The following HOMEZ variants were observed in gnomAD, a reference collection of about 807,000 sequenced individuals.
HOMEZ encodes the protein homeobox and leucine zipper encoding, also known as homeobox and leucine zipper protein Homez.
In HOMEZ, 20 loss-of-function variants were observed where a neutral mutation model predicts 50.1. The observed-to-expected ratio is 0.40, with a 90% CI of 0.28 to 0.58. The LOEUF is 0.58. Ranked by LOEUF, HOMEZ falls within the 20% of genes least tolerant of loss-of-function variation. HOMEZ has a pLI of 0.46. For missense variants in HOMEZ, 579 were observed against 680.5 expected (o/e 0.85, Z 1.66); for synonymous variants, 239 against 254.7 (o/e 0.94, Z 0.59).
At position 23,276,555 on chromosome 14, in the gene HOMEZ, T is replaced by TG; in HGVS notation, c.672_673insC (p.Ser225GlnfsTer38). 6.2e-7 allele frequency: 1 copy of TG among 1,614,018 alleles called. No homozygotes were observed. The highest frequency in any genetic ancestry group is 8.5e-7 in the Non-Finnish European group (1 of 1,179,872). On this transcript the variant is annotated frameshift_variant, in exon 2 of 2. Transcript: ENST00000357460. LOFTEE classifies it high-confidence loss of function. The surrounding 1 kb of genome is among the most constrained non-coding windows in gnomAD (Gnocchi z 4.1). Reference sequence around the variant, plus strand: ...GCCTGCTCCTTTGAGAGGCCACTGCTTTGAAGATGTTGCCAAAAATCTGAT... The same window carrying TG: ...GCCTGCTCCTTTGAGAGGCCACTGCTGTTGAAGATGTTGCCAAAAATCTGAT...
In HOMEZ at chr14:23,275,613, CAT is replaced by C. The variant is rs750942620; in HGVS notation, c.1613_1614del (p.Asp538GlyfsTer2). Reference protein sequence around the residue: ...DEEEEEEEEEDDDDDDDDVII... With the variant: ...DEEEEEEEEEXDDDDDDDVII... ...ATCACATCATCATCATCATCATCATCATCTTCCTCCTCCTCCTCCTCCTCTTC... is the reference window on the plus strand; with the variant it reads ...ATCACATCATCATCATCATCATCATCCTTCCTCCTCCTCCTCCTCCTCTTC... On this transcript the variant is annotated frameshift_variant, in exon 2 of 2. Transcript: ENST00000357460. LOFTEE classifies it high-confidence loss of function. 26 of 1,430,878 alleles carry C rather than the reference CAT, an allele frequency of 1.8e-5. No individual in the cohort carries two copies. The African/African-American group carries it at 1.8e-4, about 10-fold the overall frequency. 88.6% of individuals were successfully genotyped at this position (1,430,878 alleles called of 1,614,324 possible). A position where few individuals can be genotyped will look rare whatever the true frequency, so the allele number is the denominator to read the frequency against.
chr14:23,280,732 T>C (rs1437693246), intron 1 of HOMEZ, among the ~76,000 whole-genome samples: 9 of 77,722 alleles, frequency 1.2e-4, no homozygotes, highest in Admixed American at 5.9e-4. Context: ...TTTATTTTAT[T>C]TTATTTTATT....
At chr14:23,278,751 C>G (rs1267843028) in intron 1 of HOMEZ, among the ~76,000 whole-genome samples, 1 of 152,220 alleles carries the variant, frequency 6.6e-6, no homozygotes, top group African/African-American at 2.4e-5. Context: ...TCTCAGCTTA[C>G]TGCAGCCTCC....
chr14:23,275,903 G>A lies in HOMEZ; in HGVS notation c.1325C>T (p.Thr442Ile). 6.2e-7 allele frequency: 1 copy of A among 1,604,760 alleles called. No homozygotes were observed. Among genetic ancestry groups the A allele is most frequent in the Non-Finnish European group, 8.5e-7 (1 of 1,174,938 alleles). Residue 442 changes from threonine to isoleucine, a missense_variant, in exon 2 of 2, where the codon ACC (threonine) becomes ATC (isoleucine). By Grantham distance (89) the Thr-to-Ile change is moderately conservative. Transcript: ENST00000357460. Reference protein sequence around the residue: ...DPAIPTPPPSTRSLNERAETP... With the variant: ...DPAIPTPPPSIRSLNERAETP... ...CTCAGCCCTTTCGTTCAAGGAGCGG[G>A]TTGATGGTGGTGGTGTAGGAATTGC...
intron 1 of HOMEZ, among the ~76,000 whole-genome samples, chr14:23,280,035 G>A (rs1886456395): frequency 6.6e-6 from 1 of 151,948 alleles, no homozygotes; most frequent in Non-Finnish European, 1.5e-5. Flanking sequence ...CTGGAAGGTA[G>A]GACAGCACTG....
chr14:23,272,914 T>TA lies in HOMEZ; in HGVS notation c.*2660dup, dbSNP rs759080014. 7.1e-7 allele frequency: 1 copy of TA among 1,406,074 alleles called. No homozygotes were observed. Among genetic ancestry groups the TA allele is most frequent in the South Asian group, 1.3e-5 (1 of 76,694 alleles). The allele number at this position is 1,406,074 out of a possible 1,614,324, so 87.1% of individuals were successfully genotyped here. A position where few individuals can be genotyped will look rare whatever the true frequency, so the allele number is the denominator to read the frequency against. On this transcript the variant is annotated 3_prime_UTR_variant, in exon 2 of 2. Transcript: ENST00000357460. The stretch of plus-strand genomic sequence containing the variant: ...TAGATCATCTTCAAGATCTGATCTA[T>TA]ACATGCTGCTGAAGGATGGACTGTA...
Position 23,275,308 on chromosome 14 carries a change from GCCCA to G in HOMEZ, c.*263_*266del. 6 of 471,850 alleles carry G rather than the reference GCCCA, an allele frequency of 1.3e-5. No individual in the cohort carries two copies. The highest frequency in any genetic ancestry group is 1.2e-4 in the South Asian group (3 of 26,082). 29.2% of individuals were successfully genotyped at this position (471,850 alleles called of 1,614,324 possible). On this transcript the variant is annotated 3_prime_UTR_variant, in exon 2 of 2. Transcript: ENST00000357460. ...CGAGGAGAGCAAGAGCAGCTTCCCA[GCCCA>G]TGGTTTCCCCAGATCCTTAGCACTC...
intron 1 of HOMEZ, among the ~76,000 whole-genome samples, chr14:23,282,741 C>CT (rs1221976101): frequency 6.6e-6 from 1 of 152,154 alleles, no homozygotes; most frequent in Non-Finnish European, 1.5e-5. Context: ...AAGCATTTTA[C>CT]TTTCGTTTAG....
intron 1 of HOMEZ, among the ~76,000 whole-genome samples, chr14:23,281,838 T>C (rs1019222658): frequency 7.0e-6 from 1 of 143,318 alleles, no homozygotes; most frequent in Non-Finnish European, 1.5e-5. Flanking sequence ...ATAATAATAA[T>C]ACAAAATATT....
chr14:23,283,598 T>G (rs1297184308), intron 1 of HOMEZ, among the ~76,000 whole-genome samples: 1 of 151,836 alleles, frequency 6.6e-6, no homozygotes, highest in African/African-American at 2.4e-5. Flanking sequence ...AGGAGACAGT[T>G]AAAGTGGGAG....
chr14:23,276,226 C>A lies in HOMEZ; in HGVS notation c.1002G>T (p.Gly334=). 1 of 1,613,984 alleles carries A rather than the reference C, an allele frequency of 6.2e-7. No homozygotes were observed. The highest frequency in any genetic ancestry group is 2.2e-5 in the East Asian group (1 of 44,868). Residue 334 remains glycine (G), a synonymous_variant, in exon 2 of 2, where the codon GGG becomes GGT. Transcript: ENST00000357460. The surrounding 1 kb of genome is among the most constrained non-coding windows in gnomAD (Gnocchi z 4.1). ...TACCTGGTACTGAGTTATGCCGTAG[C>A]CCTTGGGGCCAGGCTGGTTCCAGAT... ...PPHLEPAWPQ[G]LRHNSVPGRV... is the part of the protein sequence containing the mutation.
chr14:23,277,276 A>G (rs1886387489), intron 1 of HOMEZ, 89 bp from the exon 2 acceptor site: 1 of 1,196,946 alleles, frequency 8.4e-7, no homozygotes, highest in Non-Finnish European at 1.1e-6. Flanking sequence ...TGGACACCAG[A>G]ACAATTTAAT....
rs1207096407 is a variant in HOMEZ at position 23,276,457 on chromosome 14, T to C, written c.771A>G (p.Pro257=). The change falls in exon 2 of 2, where the codon CCA becomes CCG. Residue 257 remains proline (P), a synonymous_variant. Coordinates refer to ENST00000357460, the MANE Select transcript of HOMEZ (RefSeq NM_020834.3). The surrounding 1 kb of genome is among the most constrained non-coding windows in gnomAD (Gnocchi z 4.1). Reference sequence around the variant, plus strand: ...TTGGTGGGGGTTTATCCCGAGCTTGTGGCTGGGGGACGGTTGTGGAGTGGT... The same window carrying C: ...TTGGTGGGGGTTTATCCCGAGCTTGCGGCTGGGGGACGGTTGTGGAGTGGT... ...SWNHSTTVPQ[P]QARDKPPPIA... 39 of 1,613,958 alleles carry C rather than the reference T, an allele frequency of 2.4e-5. No homozygotes were observed. The highest frequency in any genetic ancestry group is 3.3e-5 in the Non-Finnish European group (39 of 1,179,908).
chr14:23,283,466 A>G (rs1208006761), intron 1 of HOMEZ, among the ~76,000 whole-genome samples: 1 of 152,110 alleles, frequency 6.6e-6, no homozygotes, highest in African/African-American at 2.4e-5. Flanking sequence ...GGCTTTCCAT[A>G]TCCCTGGACA....
chr14:23,282,835 C>A (rs1316421214), intron 1 of HOMEZ, among the ~76,000 whole-genome samples: 1 of 152,134 alleles, frequency 6.6e-6, no homozygotes, highest in Non-Finnish European at 1.5e-5. Flanking sequence ...ATTTGGTGTA[C>A]TATATGCATT....
chr14:23,283,579 C>T (rs1005065034), intron 1 of HOMEZ, among the ~76,000 whole-genome samples: 42 of 152,058 alleles, frequency 2.8e-4, no homozygotes, highest in African/African-American at 9.7e-4. Flanking sequence ...CTAGGCTTAT[C>T]GTTAAAGTAG....
intron 1 of HOMEZ, among the ~76,000 whole-genome samples, chr14:23,281,147 T>C (rs904399101): frequency 5.1e-4 from 77 of 152,270 alleles, no homozygotes; most frequent in African/African-American, 1.8e-3. Flanking sequence ...ACACGATGAA[T>C]TGCAAAAATA....
Position 23,276,892 on chromosome 14 carries a change from A to G in HOMEZ, c.336T>C (p.Ile112=), listed in dbSNP as rs750823744. The G allele has an allele frequency of 7.4e-6, 12 of 1,614,072 alleles. No homozygotes were observed. Among genetic ancestry groups the G allele is most frequent in the Admixed American group, 1.7e-5 (1 of 60,030 alleles). ...WFMAQRLRCG[I]SWSSEEIEET... ...CTTCTATTTCTTCAGATGACCAGCTAATACCACAGCGGAGGCGCTGGGCCA... is the reference window on the plus strand; with the variant it reads ...CTTCTATTTCTTCAGATGACCAGCTGATACCACAGCGGAGGCGCTGGGCCA... The change falls in exon 2 of 2, where the codon ATT becomes ATC. Residue 112 remains isoleucine (I), a synonymous_variant. Coordinates refer to ENST00000357460, the MANE Select transcript of HOMEZ (RefSeq NM_020834.3). The surrounding 1 kb of genome is among the most constrained non-coding windows in gnomAD (Gnocchi z 4.1).
chr14:23,280,748 A>ATTTTATTTTATTT (rs1886521695), intron 1 of HOMEZ, among the ~76,000 whole-genome samples: 2 of 87,120 alleles, frequency 2.3e-5, no homozygotes, highest in Non-Finnish European at 4.5e-5. Context: ...TTATTATTTT[A>ATTTTATTTTATTT]TTTTATTTTA....
Sources: allele counts gnomAD v4.1 joint callset (sites outside exome capture counted in the v4.1 genomes callset), GRCh38; gene constraint gnomAD v4.1.1; non-coding constraint Gnocchi (gnomAD v3.1); transcripts MANE v1.5; gene names NCBI Gene and HGNC (gene_info 2026-07-23, HGNC 2026-07-21).